Variants in CHCHD3 observed in about 807,000 individuals in gnomAD.
CHCHD3 encodes the protein coiled-coil-helix-coiled-coil-helix domain containing 3, also known as MICOS complex subunit MIC19.
A neutral mutation model predicts 38.2 loss-of-function variants in CHCHD3; 20 were observed. The ratio of observed to expected loss-of-function variants is 0.52; its 90% CI spans 0.37 to 0.76. CHCHD3 has a LOEUF of 0.76. Among genes scored for constraint, CHCHD3 ranks in the 30% least tolerant of loss-of-function variants. The pLI, the probability that CHCHD3 is intolerant of heterozygous loss-of-function variation, is 0.00. For missense variants in CHCHD3, 245 were observed against 279.2 expected, an observed-to-expected ratio of 0.88 and a Z score of 0.87; for synonymous variants, 82 against 100.0, an observed-to-expected ratio of 0.82 and a Z score of 1.07.
At chr7:132,899,486 G>C (rs959231746) in intron 4 of CHCHD3, among the ~76,000 whole-genome samples, 1 of 152,158 alleles carries the variant, frequency 6.6e-6, no homozygotes, top group African/African-American at 2.4e-5. Flanking sequence ...AATCAGATTT[G>C]TTAATTAACA....
intron 2 of CHCHD3, among the ~76,000 whole-genome samples, chr7:133,061,689 C>T (rs1191652430): frequency 1.3e-5 from 2 of 152,176 alleles, no homozygotes; most frequent in Non-Finnish European, 2.9e-5. Flanking sequence ...CATGACTACC[C>T]TGTAACTGAA....
intron 4 of CHCHD3, among the ~76,000 whole-genome samples, chr7:132,930,678 C>T (rs1399575966): frequency 6.6e-6 from 1 of 152,168 alleles, no homozygotes; most frequent in African/African-American, 2.4e-5. Flanking sequence ...CTACCCTCCA[C>T]ACCTGTCCTG....
chr7:133,050,732 C>T (rs1814139371), intron 2 of CHCHD3, among the ~76,000 whole-genome samples: 1 of 152,084 alleles, frequency 6.6e-6, no homozygotes, highest in Non-Finnish European at 1.5e-5. Flanking sequence ...TAAAAATATG[C>T]CAGGCGCAGT....
chr7:132,971,739 G>A (rs1396989236), intron 4 of CHCHD3, among the ~76,000 whole-genome samples: 1 of 152,216 alleles, frequency 6.6e-6, no homozygotes, highest in Non-Finnish European at 1.5e-5. Context: ...TACTTCACAT[G>A]TGTGAAACAC....
chr7:132,922,418 G>C (rs945518417), intron 4 of CHCHD3, among the ~76,000 whole-genome samples: 3 of 152,044 alleles, frequency 2.0e-5, no homozygotes, highest in Non-Finnish European at 4.4e-5. Context: ...ACATCAAATA[G>C]AACACCAGAG....
At chr7:132,928,805 C>CT (rs1296866403) in intron 4 of CHCHD3, among the ~76,000 whole-genome samples, 1 of 152,166 alleles carries the variant, frequency 6.6e-6, no homozygotes, top group African/African-American at 2.4e-5. Context: ...GGAATCCTCC[C>CT]TCCCTTTTAA....
intron 4 of CHCHD3, among the ~76,000 whole-genome samples, chr7:132,912,939 T>C (rs1282891319): frequency 6.6e-6 from 1 of 152,210 alleles, no homozygotes; most frequent in Non-Finnish European, 1.5e-5. Context: ...AAATTTTCTA[T>C]ATGTTTGTTA....
In CHCHD3 at chr7:132,785,236, C is replaced by A; in HGVS notation, c.*401G>T. The A allele has an allele frequency of 5.3e-6, 1 of 187,158 alleles. No individual in the cohort carries two copies. Among genetic ancestry groups the A allele is most frequent in the Non-Finnish European group, 1.1e-5 (1 of 90,846 alleles). The allele number at this position is 187,158 out of a possible 1,614,324, so 11.6% of individuals were successfully genotyped here. ...ATGTTTTCTGGCTCTCTCCTCGCCC[C>A]ACTCCAATTAATTTAGCCCCCAACC... On this transcript the variant is annotated 3_prime_UTR_variant, in exon 8 of 8. Transcript: ENST00000262570.
At chr7:132,963,694 T>TAC (rs71178068) in intron 4 of CHCHD3, among the ~76,000 whole-genome samples, 4,767 of 148,890 alleles carry the variant, frequency 0.032, 96 homozygotes, top group Non-Finnish European at 0.049. Context: ...CAAACGATTA[T>TAC]ACACACACAC....
At chr7:132,859,548 A>G (rs1473453953) in intron 5 of CHCHD3, among the ~76,000 whole-genome samples, 4 of 152,222 alleles carry the variant, frequency 2.6e-5, no homozygotes, top group Non-Finnish European at 5.9e-5. Flanking sequence ...ATATTACAAG[A>G]TCCAGAATTA....
intron 4 of CHCHD3, among the ~76,000 whole-genome samples, chr7:132,902,369 G>C (rs936926088): frequency 2.6e-5 from 4 of 152,136 alleles, no homozygotes; most frequent in Non-Finnish European, 5.9e-5. Flanking sequence ...ACACACATAC[G>C]TATGTTTATT....
intron 3 of CHCHD3, among the ~76,000 whole-genome samples, chr7:133,023,586 C>T (rs1813251236): frequency 6.6e-6 from 1 of 152,210 alleles, no homozygotes; most frequent in Admixed American, 6.5e-5. Context: ...AAGACATTCA[C>T]ATGATCATGT....
At chr7:132,855,039 C>G (rs929980945) in intron 5 of CHCHD3, among the ~76,000 whole-genome samples, 6 of 152,196 alleles carry the variant, frequency 3.9e-5, no homozygotes, top group Non-Finnish European at 7.3e-5. Context: ...TTAGGGGCCA[C>G]TATCTTTATT....
chr7:132,928,877 T>C (rs1810448005), intron 4 of CHCHD3, among the ~76,000 whole-genome samples: 1 of 152,120 alleles, frequency 6.6e-6, no homozygotes, highest in African/African-American at 2.4e-5. Flanking sequence ...TCTCCTTCTC[T>C]TTCCAAGGAC....
chr7:133,062,418 C>T (rs922177286), intron 2 of CHCHD3, among the ~76,000 whole-genome samples: 5 of 152,062 alleles, frequency 3.3e-5, no homozygotes, highest in Non-Finnish European at 7.4e-5. Context: ...TAACCAATGC[C>T]GTATTTTATT....
In CHCHD3 at chr7:132,901,466, A is replaced by G. The variant is rs1208751819; in HGVS notation, c.370-15721T>C. Among the ~76,000 whole-genome samples the G allele has an allele frequency of 5.3e-5, 8 of 152,200 alleles. 1 individual carries two copies. Among genetic ancestry groups the G allele is most frequent in the African/African-American group, 1.9e-4 (8 of 41,452 alleles). Reference sequence around the variant, plus strand: ...CCATTAAAGAAGCCACCCTGAGGCAAAGGCAAAGGCCACAGGAGGGAGGCA... The same window carrying G: ...CCATTAAAGAAGCCACCCTGAGGCAGAGGCAAAGGCCACAGGAGGGAGGCA... On this transcript the variant is annotated intron_variant, in intron 4 of 7. Coordinates refer to ENST00000262570, the MANE Select transcript of CHCHD3 (RefSeq NM_017812.4).
At chr7:132,881,314 T>A (rs1468915143) in intron 5 of CHCHD3, among the ~76,000 whole-genome samples, 5 of 152,166 alleles carry the variant, frequency 3.3e-5, no homozygotes, top group Admixed American at 2.0e-4. Flanking sequence ...AACAAGCAGT[T>A]TATTGAAATA....
chr7:133,040,828 C>T (rs1238689694), intron 2 of CHCHD3, among the ~76,000 whole-genome samples: 1 of 152,188 alleles, frequency 6.6e-6, no homozygotes, highest in African/African-American at 2.4e-5. Context: ...TGATCTCTCA[C>T]TCCCCTATAC....
intron 5 of CHCHD3, among the ~76,000 whole-genome samples, chr7:132,873,322 C>A (rs117236975): frequency 2.0e-5 from 3 of 152,136 alleles, no homozygotes; most frequent in Non-Finnish European, 2.9e-5. Flanking sequence ...AAATACCTTC[C>A]CCTAATGGTT....
Sources: gnomAD v4.1 joint callset for allele counts (sites outside exome capture counted in the v4.1 genomes callset) on GRCh38, gnomAD v4.1.1 for gene constraint, MANE v1.5 for transcripts, NCBI Gene and HGNC (gene_info 2026-07-23, HGNC 2026-07-21) for gene names.